Variants in TMEM82 observed in about 807,000 individuals in gnomAD.
The protein encoded by TMEM82 is transmembrane protein 82.
In TMEM82, 30 loss-of-function variants were observed where a neutral mutation model predicts 29.2. The observed-to-expected ratio is 1.03, with a 90% CI of 0.77 to 1.39. The LOEUF is 1.39. Among genes scored for constraint, TMEM82 ranks in the 40% most tolerant of loss-of-function variants. The pLI, the probability that TMEM82 is intolerant of heterozygous loss-of-function variation, is 0.00. For synonymous variants in TMEM82, 221 were observed against 225.4 expected (o/e 0.98, Z 0.18); for missense variants, 442 against 447.7 (o/e 0.99, Z 0.12).
At chr1:15,743,414 G>A (rs1557672011) in intron 3 of TMEM82, among the ~76,000 whole-genome samples, 3 of 152,258 alleles carry the variant, frequency 2.0e-5, no homozygotes, top group Non-Finnish European at 2.9e-5. Flanking sequence ...AGACAAGAGC[G>A]ACAGTTTCTG....
At position 15,744,280 on chromosome 1, in the gene TMEM82, C is replaced by T; in HGVS notation, c.457C>T (p.Leu153=). 2 of 1,557,556 alleles carry T rather than the reference C, an allele frequency of 1.3e-6. No homozygotes were observed. The highest frequency in any genetic ancestry group is 8.7e-7 in the Non-Finnish European group (1 of 1,156,014). Residue 153 remains leucine, a synonymous_variant, in exon 4 of 6, where the codon CTG becomes TTG. Coordinates refer to ENST00000375782, the MANE Select transcript of TMEM82 (RefSeq NM_001013641.3). This position sits in a 1 kb window ranked among gnomAD's most constrained non-coding sequence, Gnocchi z 5.2. ...QEGAPHRTLN[L]LLSLGLATLL... ...GGGCGCCCCTCACCGCACGCTGAAC[C>T]TGCTGCTGAGCCTCGGGCTGGCCAC...
chr1:15,743,603 G>C (rs1202872612), intron 3 of TMEM82, among the ~76,000 whole-genome samples: 1 of 152,198 alleles, frequency 6.6e-6, no homozygotes, highest in Non-Finnish European at 1.5e-5. Flanking sequence ...TTTGGACCCA[G>C]GTCTCTGAGA....
intron 5 of TMEM82, 41 bp downstream of exon 5, chr1:15,747,095 C>T: frequency 1.3e-6 from 2 of 1,581,478 alleles, no homozygotes; most frequent in Non-Finnish European, 1.7e-6. Flanking sequence ...ACAATGAACC[C>T]TGCTTCAAAC....
At chr1:15,746,715 G>C (rs1406509550) in intron 4 of TMEM82, 152 bp from the exon 5 acceptor site, 1 of 664,798 alleles carries the variant, frequency 1.5e-6, no homozygotes, top group Non-Finnish European at 2.6e-6. Context: ...GTGCCCTGCA[G>C]ATACTCGGAG....
In TMEM82 at chr1:15,747,597, T is replaced by A. The variant is rs1264389348; in HGVS notation, c.997T>A (p.Ser333Thr). The A allele has an allele frequency of 1.2e-6, 2 of 1,614,044 alleles. No individual in the cohort carries two copies. Among genetic ancestry groups the A allele is most frequent in the South Asian group, 2.2e-5 (2 of 91,064 alleles). Residue 333 changes from serine to threonine, a missense_variant, in exon 6 of 6, where the codon TCG becomes ACG. Physicochemically the swap from Ser to Thr is moderately conservative, Grantham distance 58. Coordinates refer to ENST00000375782, the MANE Select transcript of TMEM82 (RefSeq NM_001013641.3). The stretch of plus-strand genomic sequence containing the variant: ...GTCAACACCAAGCCAGCCCCTGCCC[T>A]CGGCACCCCAGTCCCAGAGTTCGGC... ...PVSTPSQPLP[S>T]APQSQSSAPS
rs2148394773 is a variant in TMEM82 at position 15,744,154 on chromosome 1, C to A, written c.337-6C>A. 6.5e-7 allele frequency: 1 copy of A among 1,533,248 alleles called. No homozygotes were observed. The highest frequency in any genetic ancestry group is 2.3e-5 in the East Asian group (1 of 42,762). 95.0% of individuals were successfully genotyped at this position (1,533,248 alleles called of 1,614,324 possible). A position where few individuals can be genotyped will look rare whatever the true frequency, so the allele number is the denominator to read the frequency against. On this transcript the variant is annotated splice_region_variant and splice_polypyrimidine_tract_variant and intron_variant, in intron 3 of 5. Coordinates refer to ENST00000375782, the MANE Select transcript of TMEM82 (RefSeq NM_001013641.3). This position sits in a 1 kb window ranked among gnomAD's most constrained non-coding sequence, Gnocchi z 5.2. The stretch of plus-strand genomic sequence containing the variant: ...CATCTCGGCCCCTCTTCGGCACTCC[C>A]CGCAGGGCTCCCAGGGTGCCGCCGA...
rs1409201352 is a variant in TMEM82 at position 15,747,185 on chromosome 1, A to T, written c.945+131A>T. On this transcript the variant is annotated intron_variant, in intron 5 of 5. Transcript: ENST00000375782. Reference sequence around the variant, plus strand: ...CTCACACCTGTAATCCCAAATACTCAGGAGGCTGAGACCTGAGAATCACTT... The same window carrying T: ...CTCACACCTGTAATCCCAAATACTCTGGAGGCTGAGACCTGAGAATCACTT... 238 of 977,300 alleles carry T rather than the reference A, an allele frequency of 2.4e-4. 1 individual carries two copies. The highest frequency in any genetic ancestry group is 4.6e-5 in the Non-Finnish European group (31 of 673,320). 60.5% of individuals were successfully genotyped at this position (977,300 alleles called of 1,614,324 possible).
At chr1:15,743,432 G>A (rs992360955) in intron 3 of TMEM82, among the ~76,000 whole-genome samples, 2 of 152,232 alleles carry the variant, frequency 1.3e-5, no homozygotes, top group East Asian at 1.9e-4. Context: ...CTGTAGATCC[G>A]GCCCCCCAAA....
chr1:15,743,050 G>A lies in TMEM82; in HGVS notation c.192G>A (p.Arg64=), dbSNP rs772343427. The change falls in exon 3 of 6, where the codon CGG becomes CGA. Residue 64 remains arginine, a synonymous_variant. Transcript: ENST00000375782. ...CGCAGCGGCGACCCGAAAAGGAGCG[G>A]CTTCGGGCCCAGTGGGCCTCCCTGG... The part of the protein sequence containing the change: ...NDPQRRPEKE[R]LRAQWASLET... 1 of 1,604,676 alleles carries A rather than the reference G, an allele frequency of 6.2e-7. No individual in the cohort carries two copies. The highest frequency in any genetic ancestry group is 1.1e-5 in the South Asian group (1 of 89,880).
In TMEM82 at chr1:15,744,060, A is replaced by G; in HGVS notation, c.337-100A>G. 7.9e-7 allele frequency: 1 copy of G among 1,267,734 alleles called. No individual in the cohort carries two copies. The highest frequency in any genetic ancestry group is 2.9e-5 in the Admixed American group (1 of 34,468). The allele number at this position is 1,267,734 out of a possible 1,614,324, so 78.5% of individuals were successfully genotyped here. On this transcript the variant is annotated intron_variant, in intron 3 of 5. Transcript: ENST00000375782. The surrounding 1 kb of genome is among the most constrained non-coding windows in gnomAD (Gnocchi z 5.2). The stretch of plus-strand genomic sequence containing the variant: ...TGAAGCCGATGTGGCCCCTTCGGGA[A>G]CCATCCCCAAGGTCCCTTCAGGCTC...
intron 4 of TMEM82, among the ~76,000 whole-genome samples, 179 bp from the exon 5 acceptor site, chr1:15,746,688 T>C (rs1437012472): frequency 6.6e-6 from 1 of 152,062 alleles, no homozygotes; most frequent in Non-Finnish European, 1.5e-5. Flanking sequence ...CAGTGAGTCC[T>C]GGAGGCAGAG....
chr1:15,745,892 C>CAA (rs914390608), intron 4 of TMEM82, among the ~76,000 whole-genome samples: 1,877 of 86,368 alleles, frequency 0.022, 29 homozygotes, highest in African/African-American at 0.036. Flanking sequence ...CCATCTCAAA[C>CAA]AAAAAAAAAA....
chr1:15,743,285 G>A lies in TMEM82; in HGVS notation c.336+91G>A. On this transcript the variant is annotated intron_variant, in intron 3 of 5. Coordinates refer to ENST00000375782, the MANE Select transcript of TMEM82 (RefSeq NM_001013641.3). Reference sequence around the variant, plus strand: ...ATGTGGGCAGCAGGGCCCAGGTCCAGCATCCCAGCCTCTTCGCCGTATTTT... The same window carrying A: ...ATGTGGGCAGCAGGGCCCAGGTCCAACATCCCAGCCTCTTCGCCGTATTTT... 3.6e-6 allele frequency: 5 copies of A among 1,391,116 alleles called. No homozygotes were observed. The South Asian group carries it at 4.1e-5, about 11-fold the overall frequency. 86.2% of individuals were successfully genotyped at this position (1,391,116 alleles called of 1,614,324 possible).
chr1:15,746,727 A>G, intron 4 of TMEM82, 140 bp from the exon 5 acceptor site: 2 of 696,772 alleles, frequency 2.9e-6, no homozygotes, highest in Non-Finnish European at 4.8e-6. Context: ...TACTCGGAGC[A>G]GGGATGGGGA....
chr1:15,744,187 C>T lies in TMEM82; in HGVS notation c.364C>T (p.Gln122Ter), dbSNP rs1168628919. 5 of 1,580,404 alleles carry T rather than the reference C, an allele frequency of 3.2e-6. No individual in the cohort carries two copies. Among genetic ancestry groups the T allele is most frequent in the Non-Finnish European group, 4.3e-6 (5 of 1,167,448 alleles). ...CTCCCAGGGTGCCGCCGAGAGGCTG[C>T]AGCTCTACCTGCTGTGCCAGTACTC... ...KGSQGAAERL[Q>*]LYLLCQYSLG... The change falls in exon 4 of 6, where the codon CAG becomes TAG. Residue 122 changes from glutamine to a stop codon, truncating the protein, a stop_gained. Transcript: ENST00000375782. LOFTEE classifies it high-confidence loss of function. The surrounding 1 kb of genome is among the most constrained non-coding windows in gnomAD (Gnocchi z 5.2).
At chr1:15,745,761 G>C (rs914412044) in intron 4 of TMEM82, among the ~76,000 whole-genome samples, 2 of 151,692 alleles carry the variant, frequency 1.3e-5, no homozygotes, top group Non-Finnish European at 1.5e-5. Context: ...AGGTGTGGTG[G>C]CAGGGGCCTG....
At position 15,747,678 on chromosome 1, in the gene TMEM82, G is replaced by C. The variant is rs779553953; in HGVS notation, c.*46G>C. ...GAGTCTGTCTCAAGCCCACTAGCCT[G>C]ATCTCCGAGGCCTTGACCCCAGGGC... is the stretch of plus-strand genomic sequence containing the variant. On this transcript the variant is annotated 3_prime_UTR_variant, in exon 6 of 6. Coordinates refer to ENST00000375782, the MANE Select transcript of TMEM82 (RefSeq NM_001013641.3). 1 of 1,545,096 alleles carries C rather than the reference G, an allele frequency of 6.5e-7. No homozygotes were observed. The highest frequency in any genetic ancestry group is 8.9e-7 in the Non-Finnish European group (1 of 1,121,500).
At chr1:15,747,141 A>C in intron 5 of TMEM82, 87 bp downstream of exon 5, 3 of 1,432,892 alleles carry the variant, frequency 2.1e-6, no homozygotes, top group Non-Finnish European at 2.8e-6. Context: ...GTTTAAGAAG[A>C]GCCAGCTGGG....
intron 4 of TMEM82, among the ~76,000 whole-genome samples, chr1:15,745,714 G>A (rs1438528591): frequency 1.3e-5 from 2 of 151,696 alleles, no homozygotes; most frequent in Non-Finnish European, 2.9e-5. Flanking sequence ...CCAATGTGGT[G>A]AAACCCCCGT....
Sources: gnomAD v4.1 joint callset for allele counts (sites outside exome capture counted in the v4.1 genomes callset) on GRCh38, gnomAD v4.1.1 for gene constraint, Gnocchi (gnomAD v3.1) non-coding constraint, MANE v1.5 for transcripts, NCBI Gene and HGNC (gene_info 2026-07-23, HGNC 2026-07-21) for gene names.